POLE2: variants seen among roughly 807,000 people sequenced by gnomAD.
POLE2 encodes the protein DNA polymerase epsilon subunit 2.
Under a neutral mutation model 79.4 loss-of-function variants are expected in POLE2, and 56 were observed. That is an observed-to-expected ratio of 0.71 (90% CI 0.57 to 0.88). The LOEUF is 0.88. Ranked by LOEUF, POLE2 falls within the 40% of genes least tolerant of loss-of-function variation. The pLI is 0.00. For missense variants in POLE2, 598 were observed against 638.9 expected, an observed-to-expected ratio of 0.94 and a Z score of 0.69; for synonymous variants, 212 against 214.0, an observed-to-expected ratio of 0.99 and a Z score of 0.08.
intron 17 of POLE2, 93 bp from the exon 18 acceptor site, chr14:49,647,453 TTTTA>T (rs1485003426): frequency 2.1e-5 from 9 of 429,462 alleles, no homozygotes; most frequent in South Asian, 8.2e-5. Flanking sequence ...TTATTTTTTA[TTTTA>T]TTTATTTATT....
chr14:49,657,112 C>CAAA lies in POLE2; in HGVS notation c.756-1272_756-1270dup, dbSNP rs35156256. Among the ~76,000 whole-genome samples, 618 of 123,094 alleles carry CAAA rather than the reference C, an allele frequency of 5.0e-3. 11 individuals carry two copies. Among genetic ancestry groups the CAAA allele is most frequent in the East Asian group, 0.022 (88 of 3,970 alleles). The allele number at this position is 123,094 out of a possible 152,430, so 80.8% of individuals were successfully genotyped here. A position where few individuals can be genotyped will look rare whatever the true frequency, so the allele number is the denominator to read the frequency against. Reference sequence around the variant, plus strand: ...TGGGCAACAAAGCAAGATTTTGCCTCAAAAAAAAAAAAAAAAATTGTAGTC... The same window carrying CAAA: ...TGGGCAACAAAGCAAGATTTTGCCTCAAAAAAAAAAAAAAAAAAAATTGTAGTC... On this transcript the variant is annotated intron_variant, in intron 10 of 18. Transcript: ENST00000216367.
At chr14:49,656,349 T>A (rs765988688) in intron 10 of POLE2, among the ~76,000 whole-genome samples, 46 of 140,352 alleles carry the variant, frequency 3.3e-4, no homozygotes, top group Non-Finnish European at 6.5e-4. Context: ...GTGAGACTCT[T>A]GTCTCAAAAA....
chr14:49,677,058 G>C (rs528719372), intron 3 of POLE2, among the ~76,000 whole-genome samples: 1 of 152,212 alleles, frequency 6.6e-6, no homozygotes, highest in Non-Finnish European at 1.5e-5. Flanking sequence ...CCAGAACCTG[G>C]GGGAGAGTGG....
intron 10 of POLE2, among the ~76,000 whole-genome samples, chr14:49,658,278 G>A (rs1466202012): frequency 2.6e-5 from 4 of 152,114 alleles, no homozygotes; most frequent in African/African-American, 9.6e-5. Context: ...GGGTTTCATC[G>A]TGTTAGCCAG....
At position 49,656,078 on chromosome 14, in the gene POLE2, G is replaced by A. The variant is rs190360780; in HGVS notation, c.756-235C>T. On this transcript the variant is annotated intron_variant, in intron 10 of 18. Transcript: ENST00000216367. Reference sequence around the variant, plus strand: ...GTGTCTTAAAACTGACTAAACGGCCGGGCACGGTGGCTCACGCCTGTAATC... The same window carrying A: ...GTGTCTTAAAACTGACTAAACGGCCAGGCACGGTGGCTCACGCCTGTAATC... Among the ~76,000 whole-genome samples, 599 of 152,212 alleles carry A rather than the reference G, an allele frequency of 3.9e-3. 4 individuals are homozygous for A. Among genetic ancestry groups the A allele is most frequent in the Admixed American group, 8.8e-3 (134 of 15,288 alleles).
intron 18 of POLE2, among the ~76,000 whole-genome samples, chr14:49,645,388 G>A (rs1359814479): frequency 1.3e-5 from 2 of 152,156 alleles, no homozygotes; most frequent in Admixed American, 1.3e-4. Context: ...TCTAACAGAA[G>A]GCTTCTTAGG....
At chr14:49,679,022 T>C (rs1253080072) in intron 3 of POLE2, among the ~76,000 whole-genome samples, 1 of 152,202 alleles carries the variant, frequency 6.6e-6, no homozygotes, top group East Asian at 1.9e-4. Context: ...TCTATTTTTT[T>C]TTTAGCAGTT....
At chr14:49,668,457 GAA>G (rs76534465) in intron 6 of POLE2, among the ~76,000 whole-genome samples, 1 of 77,484 alleles carries the variant, frequency 1.3e-5, no homozygotes, top group Non-Finnish European at 2.8e-5. Context: ...TCTATCAAAA[GAA>G]AAAAAAAAAA....
intron 17 of POLE2, among the ~76,000 whole-genome samples, chr14:49,649,961 C>G (rs1478609069): frequency 6.6e-6 from 1 of 152,130 alleles, no homozygotes; most frequent in Non-Finnish European, 1.5e-5. Context: ...AAGCAATTCC[C>G]AGAAAGGAAT....
chr14:49,667,021 T>G (rs1885532942), intron 6 of POLE2, among the ~76,000 whole-genome samples: 1 of 152,000 alleles, frequency 6.6e-6, no homozygotes, highest in African/African-American at 2.4e-5. Context: ...ATCCTGTCTC[T>G]ACTAAAAATA....
At chr14:49,661,741 A>G (rs2139642543) in intron 10 of POLE2, among the ~76,000 whole-genome samples, 1 of 152,286 alleles carries the variant, frequency 6.6e-6, no homozygotes, top group Non-Finnish European at 1.5e-5. Flanking sequence ...AGCCCCCTGA[A>G]TTTTATATTT....
intron 3 of POLE2, among the ~76,000 whole-genome samples, chr14:49,676,235 TAA>T (rs1053797983): frequency 6.6e-6 from 1 of 152,214 alleles, no homozygotes; most frequent in Non-Finnish European, 1.5e-5. Flanking sequence ...TAAAAGAAGT[TAA>T]AAATTTCCAC....
Position 49,654,181 on chromosome 14 carries a change from A to G in POLE2, c.1107T>C (p.Asp369=), listed in dbSNP as rs1302059281. The change falls in exon 14 of 19, where the codon GAT becomes GAC. Residue 369 remains aspartate, a synonymous_variant. Transcript: ENST00000216367. The part of the protein sequence containing the change: ...SRFVFVPGPE[D]PGFGSILPRP... ...TTGGTAAGATGGAACCAAATCCAGG[A>G]TCCTCTGGACCAGGTACAAACACAA... is the stretch of plus-strand genomic sequence containing the variant. The G allele has an allele frequency of 1.9e-6, 3 of 1,611,332 alleles. No individual in the cohort carries two copies. The highest frequency in any genetic ancestry group is 4.5e-5 in the East Asian group (2 of 44,856).
rs576999906 is a variant in POLE2 at position 49,678,008 on chromosome 14, T to A, written c.245+1717A>T. 426 of 162,512 alleles carry A rather than the reference T, an allele frequency of 2.6e-3. 1 individual carries two copies. The highest frequency in any genetic ancestry group is 3.8e-3 in the Non-Finnish European group (286 of 75,384). The allele number at this position is 162,512 out of a possible 1,614,324, so 10.1% of individuals were successfully genotyped here. A position where few individuals can be genotyped will look rare whatever the true frequency, so the allele number is the denominator to read the frequency against. Reference sequence around the variant, plus strand: ...TATTTTATTTTATTTATTTTATTTTTTTTTTTTTGAGAGACAAGTCTCATT... The same window carrying A: ...TATTTTATTTTATTTATTTTATTTTATTTTTTTTGAGAGACAAGTCTCATT... On this transcript the variant is annotated intron_variant, in intron 3 of 18. Coordinates refer to ENST00000216367, the MANE Select transcript of POLE2 (RefSeq NM_002692.4).
chr14:49,683,228 C>G (rs1886861343), intron 2 of POLE2, among the ~76,000 whole-genome samples: 1 of 152,050 alleles, frequency 6.6e-6, no homozygotes, highest in Admixed American at 6.6e-5. Context: ...ACAGTGAAAC[C>G]CCATCTCTAC....
chr14:49,652,528 C>T (rs570769733), intron 15 of POLE2, among the ~76,000 whole-genome samples: 11 of 152,206 alleles, frequency 7.2e-5, no homozygotes, highest in Middle Eastern at 3.4e-3. Flanking sequence ...CACTCCCCAT[C>T]GGTTGTATTA....
intron 15 of POLE2, chr14:49,651,587 A>G (rs1884238245): frequency 2.7e-6 from 1 of 374,962 alleles, no homozygotes; most frequent in African/African-American, 2.1e-5. Context: ...TAGCGAACAG[A>G]ACCAAAAGAT....
intron 14 of POLE2, 25 bp from the exon 15 acceptor site, chr14:49,654,092 A>G: frequency 6.3e-7 from 1 of 1,582,588 alleles, no homozygotes; most frequent in Non-Finnish European, 8.7e-7. Flanking sequence ...TATGTGATAT[A>G]GTTTATCTTT....
At chr14:49,648,463 G>A (rs1225593972) in intron 17 of POLE2, among the ~76,000 whole-genome samples, 2 of 152,198 alleles carry the variant, frequency 1.3e-5, no homozygotes, top group Non-Finnish European at 2.9e-5. Flanking sequence ...CAAAGTTTAA[G>A]TAAGGAAATA....
Sources: gnomAD v4.1 joint callset for allele counts (sites outside exome capture counted in the v4.1 genomes callset) on GRCh38, gnomAD v4.1.1 for gene constraint, MANE v1.5 for transcripts, NCBI Gene and HGNC (gene_info 2026-07-23, HGNC 2026-07-21) for gene names.